ABTB2: variants seen among roughly 807,000 people sequenced by gnomAD.
ABTB2 encodes the protein ankyrin repeat and BTB domain containing 2.
A neutral mutation model predicts 104.1 loss-of-function variants in ABTB2; 56 were observed. That is an observed-to-expected ratio of 0.54 (90% confidence interval 0.43 to 0.67). The LOEUF (loss-of-function observed/expected upper bound fraction) is 0.67. Ranked by LOEUF, ABTB2 falls within the 30% of genes least tolerant of loss-of-function variation. The pLI is 0.00. For missense variants in ABTB2, 1,279 were observed against 1,407.7 expected, an observed-to-expected ratio of 0.91 and a Z score of 1.46; for synonymous variants, 606 against 608.2, an observed-to-expected ratio of 1.00 and a Z score of 0.05.
At chr11:34,279,525 C>T (rs1452110859) in intron 1 of ABTB2, among the ~76,000 whole-genome samples, 1 of 152,220 alleles carries the variant, frequency 6.6e-6, no homozygotes, top group Non-Finnish European at 1.5e-5. Flanking sequence ...AAGCCAGAAT[C>T]TGAACTCAGA....
chr11:34,279,249 T>C (rs918612521), intron 1 of ABTB2, among the ~76,000 whole-genome samples: 4 of 152,196 alleles, frequency 2.6e-5, no homozygotes, highest in Non-Finnish European at 4.4e-5. Context: ...TGCTTTGCAA[T>C]GTGTTCTTTA....
intron 9 of ABTB2, among the ~76,000 whole-genome samples, chr11:34,164,462 G>A (rs1426793590): frequency 6.6e-6 from 1 of 152,226 alleles, no homozygotes. Flanking sequence ...GGAGGCCCAG[G>A]CTCCAGTCCC....
chr11:34,166,981 CGA>C (rs150838892), intron 7 of ABTB2, among the ~76,000 whole-genome samples: 6 of 152,052 alleles, frequency 3.9e-5, no homozygotes, highest in Admixed American at 1.3e-4. Flanking sequence ...GTGCCCGACA[CGA>C]GAGAGAGAGA....
At chr11:34,165,164 G>T in intron 8 of ABTB2, 96 bp downstream of exon 8, 1 of 1,179,260 alleles carries the variant, frequency 8.5e-7, no homozygotes, top group Non-Finnish European at 1.2e-6. Context: ...GTCCGTGTGT[G>T]CTAAAGAGAC....
At position 34,302,817 on chromosome 11, in the gene ABTB2, C is replaced by A. The variant is rs117328999; in HGVS notation, c.883+53884G>T. Among the ~76,000 whole-genome samples, 93 of 152,302 alleles carry A rather than the reference C, an allele frequency of 6.1e-4. 1 individual carries two copies. The East Asian group carries it at 0.017, about 27-fold the overall frequency. On this transcript the variant is annotated intron_variant, in intron 1 of 16. Coordinates refer to ENST00000435224, the MANE Select transcript of ABTB2 (RefSeq NM_145804.3). ...AGAAGGGAAGCTGGGGCATTCCTAG[C>A]AGTTTAGTTCATTACCCAGATTCAC...
intron 10 of ABTB2, among the ~76,000 whole-genome samples, chr11:34,162,237 G>C (rs1379681152): frequency 6.6e-6 from 1 of 152,240 alleles, no homozygotes. Context: ...GTGGAGTCCC[G>C]GGGCTTCAGA....
At chr11:34,346,997 C>T (rs564415167) in intron 1 of ABTB2, among the ~76,000 whole-genome samples, 27 of 152,310 alleles carry the variant, frequency 1.8e-4, no homozygotes, top group Non-Finnish European at 3.1e-4. Context: ...GGAGGGTTTT[C>T]GTGCACTGAG....
intron 4 of ABTB2, among the ~76,000 whole-genome samples, chr11:34,172,495 A>T (rs1010816754): frequency 1.3e-5 from 2 of 148,210 alleles, no homozygotes; most frequent in Admixed American, 1.4e-4. Flanking sequence ...AAAGGCTCTC[A>T]TGGGCCTAGG....
At chr11:34,243,593 T>C (rs2755176) in intron 1 of ABTB2, among the ~76,000 whole-genome samples, 93,711 of 152,152 alleles carry the variant, frequency 0.62, 29,181 homozygotes, top group African/African-American at 0.7. Flanking sequence ...AGAAAATATG[T>C]CCTAGTCTTA....
At chr11:34,346,325 G>C (rs1366331159) in intron 1 of ABTB2, among the ~76,000 whole-genome samples, 1 of 151,838 alleles carries the variant, frequency 6.6e-6, no homozygotes, top group African/African-American at 2.4e-5. Flanking sequence ...CTGGGTAGGC[G>C]GGCTTCAAGC....
At chr11:34,327,223 A>G (rs1001688533) in intron 1 of ABTB2, among the ~76,000 whole-genome samples, 17 of 152,294 alleles carry the variant, frequency 1.1e-4, no homozygotes, top group African/African-American at 3.6e-4. Flanking sequence ...GAAAAACATT[A>G]CGCAAACGTA....
At chr11:34,188,250 C>T (rs1437702656) in intron 3 of ABTB2, among the ~76,000 whole-genome samples, 1 of 152,306 alleles carries the variant, frequency 6.6e-6, no homozygotes, top group Non-Finnish European at 1.5e-5. Flanking sequence ...GGTTCTACCA[C>T]CTATTTCATT....
At chr11:34,224,439 T>C (rs752039986) in intron 1 of ABTB2, among the ~76,000 whole-genome samples, 4 of 152,180 alleles carry the variant, frequency 2.6e-5, no homozygotes, top group Non-Finnish European at 5.9e-5. Flanking sequence ...TACCCCTTTC[T>C]GGATACTGCA....
rs1855238635 is a variant in ABTB2 at position 34,339,633 on chromosome 11, T to C, written c.883+17068A>G. Among the ~76,000 whole-genome samples, 3 of 151,998 alleles carry C rather than the reference T, an allele frequency of 2.0e-5. No homozygotes were observed. The South Asian group carries it at 6.2e-4, about 32-fold the overall frequency. On this transcript the variant is annotated intron_variant, in intron 1 of 16. Coordinates refer to ENST00000435224, the MANE Select transcript of ABTB2 (RefSeq NM_145804.3). ...TTTCTCTTTGAGATTGGTGCTTCCCTGAGTAGAATCATCCCTGGAAAGCAG... is the reference window on the plus strand; with the variant it reads ...TTTCTCTTTGAGATTGGTGCTTCCCCGAGTAGAATCATCCCTGGAAAGCAG...
intron 8 of ABTB2, 105 bp from the exon 9 acceptor site, chr11:34,164,926 G>T: frequency 2.9e-6 from 4 of 1,361,712 alleles, no homozygotes; most frequent in Non-Finnish European, 3.9e-6. Flanking sequence ...CTGAGTGCTG[G>T]AATAAGTCAG....
chr11:34,203,300 A>G (rs968368571), intron 2 of ABTB2, among the ~76,000 whole-genome samples: 1 of 152,240 alleles, frequency 6.6e-6, no homozygotes, highest in Non-Finnish European at 1.5e-5. Flanking sequence ...TAAAAAGTGA[A>G]TATGGTGCTT....
intron 1 of ABTB2, among the ~76,000 whole-genome samples, chr11:34,345,050 A>G (rs1432391301): frequency 6.6e-6 from 1 of 152,172 alleles, no homozygotes; most frequent in Admixed American, 6.5e-5. Context: ...GTCAATTTCC[A>G]ACACAATAGA....
chr11:34,248,220 A>G (rs1329772540), intron 1 of ABTB2, among the ~76,000 whole-genome samples: 1 of 151,454 alleles, frequency 6.6e-6, no homozygotes, highest in East Asian at 1.9e-4. Context: ...TAGCCTCTCC[A>G]GTAGCTAGGG....
intron 1 of ABTB2, among the ~76,000 whole-genome samples, chr11:34,269,577 G>C (rs781244600): frequency 1.3e-5 from 2 of 152,242 alleles, no homozygotes; most frequent in African/African-American, 4.8e-5. Context: ...TGTAGAGCAA[G>C]AGCAGCCACA....
Sources: gnomAD v4.1 joint callset for allele counts (sites outside exome capture counted in the v4.1 genomes callset) on GRCh38, gnomAD v4.1.1 for gene constraint, MANE v1.5 for transcripts, NCBI Gene and HGNC (gene_info 2026-07-23, HGNC 2026-07-21) for gene names.